The following EFCAB13 variants were observed in gnomAD, a reference collection of about 807,000 sequenced individuals.
EFCAB13 encodes EF-hand calcium-binding domain-containing protein 13.
A neutral mutation model predicts 110.2 loss-of-function variants in EFCAB13; 91 were observed. That is an observed-to-expected ratio of 0.83 (90% CI 0.70 to 0.98). EFCAB13 has a LOEUF of 0.98. EFCAB13 is among the 50% of genes least tolerant of loss of function. The pLI is 0.00. For synonymous variants in EFCAB13, 323 were observed against 369.9 expected (o/e 0.87, Z 1.45); for missense variants, 968 against 1,119.4 (o/e 0.86, Z 1.93).
chr17:47,361,819 G>C (rs1025407009), intron 10 of EFCAB13, among the ~76,000 whole-genome samples: 1 of 152,160 alleles, frequency 6.6e-6, no homozygotes, highest in Admixed American at 6.5e-5. Flanking sequence ...TGGAGAAGTA[G>C]TTTCTTGTAG....
chr17:47,409,839 TC>T lies in EFCAB13; in HGVS notation c.2278+153del. On this transcript the variant is annotated intron_variant, in intron 21 of 24. Transcript: ENST00000331493. ...ACAATAGTAATCTGATCATGTTACC[TC>T]CCCCTATTTATAACTCTTCAAACAT... is the stretch of plus-strand genomic sequence containing the variant. 6.6e-6 allele frequency: 4 copies of T among 604,478 alleles called. No homozygotes were observed. In the South Asian group the frequency reaches 9.0e-5, roughly 14 times the overall value. The allele number at this position is 604,478 out of a possible 1,614,324, so 37.4% of individuals were successfully genotyped here.
At chr17:47,356,788 A>C (rs2065482950) in intron 9 of EFCAB13, among the ~76,000 whole-genome samples, 2 of 152,168 alleles carry the variant, frequency 1.3e-5, no homozygotes, top group Non-Finnish European at 2.9e-5. Flanking sequence ...AGGGCCATAG[A>C]GCTCTCAAGA....
chr17:47,413,018 T>C (rs930134220), intron 22 of EFCAB13, 102 bp downstream of exon 22: 12 of 1,277,746 alleles, frequency 9.4e-6, no homozygotes, highest in Middle Eastern at 2.6e-4. Context: ...GGGAGTCATT[T>C]TTCTTTTGGA....
intron 9 of EFCAB13, among the ~76,000 whole-genome samples, chr17:47,354,326 G>C (rs1435729291): frequency 6.6e-6 from 1 of 152,178 alleles, no homozygotes; most frequent in Non-Finnish European, 1.5e-5. Flanking sequence ...TCCATGTGCT[G>C]ATGAATAGAA....
intron 16 of EFCAB13, among the ~76,000 whole-genome samples, chr17:47,395,252 T>C (rs572965457): frequency 9.9e-5 from 15 of 152,284 alleles, no homozygotes; most frequent in South Asian, 2.1e-4. Context: ...GCTGAGAAGA[T>C]TGTACAGGTT....
intron 22 of EFCAB13, among the ~76,000 whole-genome samples, chr17:47,413,986 G>C (rs1482243951): frequency 2.6e-5 from 4 of 151,946 alleles, no homozygotes; most frequent in Admixed American, 6.5e-5. Flanking sequence ...GATAGTTTTG[G>C]TGTTAGTACT....
At position 47,340,276 on chromosome 17, in the gene EFCAB13, A is replaced by G. The variant is rs147382576; in HGVS notation, c.192-1645A>G. On this transcript the variant is annotated intron_variant, in intron 5 of 24. Transcript: ENST00000331493. ...GAATCTGTCTATATCTTGCCTTTCT[A>G]TATGAACTGGTACCACTAGGCAACC... Among the ~76,000 whole-genome samples, 4 of 150,638 alleles carry G rather than the reference A, an allele frequency of 2.7e-5. No individual in the cohort carries two copies. In the East Asian group the frequency reaches 5.9e-4, roughly 22 times the overall value.
intron 9 of EFCAB13, among the ~76,000 whole-genome samples, chr17:47,349,311 T>A (rs530562534): frequency 5.9e-5 from 9 of 152,290 alleles, no homozygotes; most frequent in African/African-American, 2.2e-4. Flanking sequence ...CTGATGTAAA[T>A]AAACCCTGTC....
intron 20 of EFCAB13, among the ~76,000 whole-genome samples, chr17:47,407,559 T>C (rs2065811609): frequency 6.6e-6 from 1 of 152,144 alleles, no homozygotes; most frequent in African/African-American, 2.4e-5. Context: ...TACATTGGAC[T>C]CCACGAAAGA....
intron 22 of EFCAB13, among the ~76,000 whole-genome samples, chr17:47,414,587 A>G (rs768385204): frequency 2.0e-5 from 3 of 152,066 alleles, no homozygotes; most frequent in Non-Finnish European, 4.4e-5. Context: ...ATGATTTAAT[A>G]TATGTAAAAC....
At position 47,431,370 on chromosome 17, in the gene EFCAB13, G is replaced by A. The variant is rs1567808931; in HGVS notation, c.2638+1409G>A. On this transcript the variant is annotated intron_variant, in intron 24 of 24. Transcript: ENST00000331493. This position sits in a 1 kb window ranked among gnomAD's most constrained non-coding sequence, Gnocchi z 4.1. ...CCCAATTTCTAGTGATGAATATTTA[G>A]CTCAATAATTTTAAGGATTTTTTTT... Among the ~76,000 whole-genome samples the A allele has an allele frequency of 6.6e-6, 1 of 150,382 alleles. No homozygotes were observed. Among genetic ancestry groups the A allele is most frequent in the South Asian group, 2.1e-4 (1 of 4,782 alleles).
intron 4 of EFCAB13, among the ~76,000 whole-genome samples, chr17:47,329,635 G>A (rs1490321046): frequency 6.6e-6 from 1 of 152,094 alleles, no homozygotes. Flanking sequence ...TCCTTAGACT[G>A]TATAATTTAT....
At position 47,387,577 on chromosome 17, in the gene EFCAB13, A is replaced by G. The variant is rs79844278; in HGVS notation, c.1583-3860A>G. On this transcript the variant is annotated intron_variant, in intron 14 of 24. Coordinates refer to ENST00000331493, the MANE Select transcript of EFCAB13 (RefSeq NM_152347.5). ...ACTTGGTGACCTTCTTTGTCTCTAC[A>G]GTCTTTGATGAGATTTCCTTAAAAC... 6.4e-3 allele frequency among the ~76,000 whole-genome samples: 980 copies of G among 152,276 alleles called. 9 individuals are homozygous for G. Among genetic ancestry groups the G allele is most frequent in the African/African-American group, 0.019 (806 of 41,550 alleles).
At chr17:47,347,004 T>G (rs1339547816) in intron 8 of EFCAB13, among the ~76,000 whole-genome samples, 1 of 152,140 alleles carries the variant, frequency 6.6e-6, no homozygotes, top group Non-Finnish European at 1.5e-5. Flanking sequence ...CATGCCTGTA[T>G]TCCCAGCACT....
chr17:47,377,981 C>T (rs2143372612), intron 13 of EFCAB13, 78 bp downstream of exon 13: 1 of 1,318,334 alleles, frequency 7.6e-7, no homozygotes, highest in East Asian at 2.7e-5. Flanking sequence ...GGAGGAATTC[C>T]TCTCAATTAG....
At chr17:47,332,652 G>A (rs1458885530) in intron 4 of EFCAB13, among the ~76,000 whole-genome samples, 1 of 151,414 alleles carries the variant, frequency 6.6e-6, no homozygotes, top group African/African-American at 2.4e-5. Context: ...TCACATGTAA[G>A]TGAGATCATA....
At chr17:47,393,769 T>G (rs930422043) in intron 15 of EFCAB13, among the ~76,000 whole-genome samples, 1 of 148,116 alleles carries the variant, frequency 6.8e-6, no homozygotes, top group South Asian at 2.1e-4. Flanking sequence ...TAAAAATAAA[T>G]AAAAGTTAAA....
chr17:47,338,640 C>G (rs1392018810), intron 5 of EFCAB13, among the ~76,000 whole-genome samples: 1 of 151,954 alleles, frequency 6.6e-6, no homozygotes, highest in Admixed American at 6.6e-5. Flanking sequence ...CCCTTGCTTT[C>G]TATTGCACCT....
chr17:47,357,514 A>G (rs1394562831), intron 9 of EFCAB13, among the ~76,000 whole-genome samples: 1 of 152,178 alleles, frequency 6.6e-6, no homozygotes, highest in African/African-American at 2.4e-5. Flanking sequence ...TCCCTGGTTC[A>G]AGCAATTCTC....
Sources: gnomAD v4.1 joint callset for allele counts (sites outside exome capture counted in the v4.1 genomes callset) on GRCh38, gnomAD v4.1.1 for gene constraint, Gnocchi (gnomAD v3.1) non-coding constraint, MANE v1.5 for transcripts, NCBI Gene and HGNC (gene_info 2026-07-23, HGNC 2026-07-21) for gene names.